Variants in TAFA5 observed in about 807,000 individuals in gnomAD.
TAFA5 encodes the protein TAFA chemokine like family member 5, also known as chemokine-like protein TAFA-5.
TAFA5 carries 6 observed loss-of-function variants against 15.3 expected under a neutral mutation model. The observed-to-expected ratio is 0.39, with a 90% CI of 0.21 to 0.77. The LOEUF (loss-of-function observed/expected upper bound fraction) is 0.77, where lower values mean the gene tolerates loss of function less well. Ranked by LOEUF, TAFA5 falls within the 30% of genes least tolerant of loss-of-function variation. TAFA5 has a pLI of 0.41. For synonymous variants in TAFA5, 103 were observed against 80.7 expected, an observed-to-expected ratio of 1.28 and a Z score of -1.48; for missense variants, 161 against 193.1, an observed-to-expected ratio of 0.83 and a Z score of 0.98.
At chr22:48,526,823 C>G (rs1404088794) in intron 1 of TAFA5, among the ~76,000 whole-genome samples, 1 of 152,216 alleles carries the variant, frequency 6.6e-6, no homozygotes, top group Non-Finnish European at 1.5e-5. Flanking sequence ...ATATGTTGTT[C>G]TAAATGCTGA....
At chr22:48,708,776 C>A (rs1929161882) in intron 3 of TAFA5, among the ~76,000 whole-genome samples, 1 of 152,198 alleles carries the variant, frequency 6.6e-6, no homozygotes, top group South Asian at 2.1e-4. Flanking sequence ...TCTGGAAAGC[C>A]CCCTGGCATC....
intron 1 of TAFA5, among the ~76,000 whole-genome samples, chr22:48,632,488 T>G (rs1926268183): frequency 7.7e-6 from 1 of 130,602 alleles, no homozygotes; most frequent in Non-Finnish European, 1.5e-5. Context: ...CCCACTGCGC[T>G]GCTGCCTGGC....
intron 1 of TAFA5, among the ~76,000 whole-genome samples, chr22:48,600,047 C>T (rs1293931195): frequency 6.6e-6 from 1 of 152,202 alleles, no homozygotes; most frequent in East Asian, 1.9e-4. Context: ...TGTTGTGTCA[C>T]CCTGTTTCTG....
intron 1 of TAFA5, among the ~76,000 whole-genome samples, chr22:48,561,022 G>A (rs1023590719): frequency 6.6e-6 from 1 of 152,170 alleles, no homozygotes; most frequent in Admixed American, 6.5e-5. Flanking sequence ...GTGACACTGG[G>A]ATTTGTCTGG....
At chr22:48,524,371 G>A (rs1451122253) in intron 1 of TAFA5, among the ~76,000 whole-genome samples, 1 of 152,220 alleles carries the variant, frequency 6.6e-6, no homozygotes, top group Non-Finnish European at 1.5e-5. Flanking sequence ...CAGGGATGGA[G>A]ACGCCCTGCC....
intron 2 of TAFA5, among the ~76,000 whole-genome samples, chr22:48,678,835 C>T (rs183891732): frequency 7.9e-5 from 12 of 152,282 alleles, no homozygotes; most frequent in Admixed American, 5.9e-4. Context: ...AGAAACTTCT[C>T]ACATGTTGGA....
At chr22:48,555,373 G>T (rs1922998673) in intron 1 of TAFA5, among the ~76,000 whole-genome samples, 1 of 152,206 alleles carries the variant, frequency 6.6e-6, no homozygotes, top group African/African-American at 2.4e-5. Context: ...GCGGAGCTCA[G>T]CCCTGGTGCT....
intron 1 of TAFA5, among the ~76,000 whole-genome samples, chr22:48,542,498 GTGCGTGTGTGGCATGTGTGTGTGCA>G (rs1922462305): frequency 2.5e-5 from 3 of 122,414 alleles, no homozygotes; most frequent in African/African-American, 9.4e-5. Context: ...TGTGGTGTGT[GTGCGTGTGTGGCATGTGTGTGTGCA>G]TGTGTGGTGT....
intron 1 of TAFA5, among the ~76,000 whole-genome samples, chr22:48,570,242 G>T (rs1331549507): frequency 6.6e-6 from 1 of 152,224 alleles, no homozygotes; most frequent in African/African-American, 2.4e-5. Flanking sequence ...GGCTGAGGCT[G>T]CCTTTATCTT....
intron 3 of TAFA5, among the ~76,000 whole-genome samples, chr22:48,741,278 C>T (rs1039381868): frequency 1.3e-5 from 2 of 151,634 alleles, no homozygotes; most frequent in East Asian, 1.9e-4. Context: ...AAGGTGGAGC[C>T]GTCCTCACCC....
chr22:48,702,901 G>T (rs1375895543), intron 2 of TAFA5, among the ~76,000 whole-genome samples: 1 of 152,244 alleles, frequency 6.6e-6, no homozygotes, highest in Non-Finnish European at 1.5e-5. Context: ...TCAAACAAAA[G>T]GTGTTGTGTG....
chr22:48,613,962 G>A (rs555506133), intron 1 of TAFA5, among the ~76,000 whole-genome samples: 2 of 152,220 alleles, frequency 1.3e-5, no homozygotes, highest in East Asian at 1.9e-4. Flanking sequence ...CCCCCGGCTC[G>A]CGGCCCCTGC....
chr22:48,723,760 G>T (rs1929638153), intron 3 of TAFA5, among the ~76,000 whole-genome samples: 1 of 152,270 alleles, frequency 6.6e-6, no homozygotes, highest in African/African-American at 2.4e-5. Context: ...AGGTTCATGG[G>T]ATGATAAGAA....
intron 3 of TAFA5, among the ~76,000 whole-genome samples, chr22:48,716,108 T>C (rs1929394044): frequency 6.6e-6 from 1 of 152,208 alleles, no homozygotes; most frequent in Non-Finnish European, 1.5e-5. Flanking sequence ...GGTCTATATA[T>C]CTGTTTCGGT....
chr22:48,638,455 T>G, intron 1 of TAFA5, among the ~76,000 whole-genome samples: 1 of 85,748 alleles, frequency 1.2e-5, no homozygotes, highest in Non-Finnish European at 2.3e-5. Flanking sequence ...CCCCCGACAC[T>G]AAGCCCTGGG....
At chr22:48,705,249 G>A (rs1474786028) in intron 2 of TAFA5, among the ~76,000 whole-genome samples, 1 of 152,090 alleles carries the variant, frequency 6.6e-6, no homozygotes, top group Non-Finnish European at 1.5e-5. Context: ...CCGGGGGTGG[G>A]GTGGGGCAGG....
intron 1 of TAFA5, among the ~76,000 whole-genome samples, chr22:48,557,257 T>C (rs1250822829): frequency 2.0e-5 from 3 of 152,192 alleles, no homozygotes; most frequent in Non-Finnish European, 4.4e-5. Flanking sequence ...GGTGGGGCCC[T>C]GATCCAGTAT....
intron 1 of TAFA5, among the ~76,000 whole-genome samples, chr22:48,519,173 T>C (rs1921519726): frequency 6.6e-6 from 1 of 152,254 alleles, no homozygotes; most frequent in East Asian, 1.9e-4. Flanking sequence ...TGAAAGGTTA[T>C]TTGCTTTCTC....
chr22:48,746,471 G>T (rs965380587), intron 3 of TAFA5, among the ~76,000 whole-genome samples: 1 of 152,136 alleles, frequency 6.6e-6, no homozygotes, highest in African/African-American at 2.4e-5. Context: ...TCCAGCCTGG[G>T]TGACAAGGCC....
Sources: allele counts gnomAD v4.1 joint callset (sites outside exome capture counted in the v4.1 genomes callset), GRCh38; gene constraint gnomAD v4.1.1; transcripts MANE v1.5; gene names NCBI Gene and HGNC (gene_info 2026-07-23, HGNC 2026-07-21).